ALG9: variants seen among roughly 807,000 people sequenced by gnomAD.
ALG9 encodes ALG9 alpha-1,2-mannosyltransferase.
A neutral mutation model predicts 81.8 loss-of-function variants in ALG9; 55 were observed. That is an observed-to-expected ratio of 0.67 (90% CI 0.54 to 0.84). The LOEUF is 0.84. Ranked by LOEUF, ALG9 falls within the 40% of genes least tolerant of loss-of-function variation. The pLI, the probability that ALG9 is intolerant of heterozygous loss-of-function variation, is 0.00. For missense variants in ALG9, 629 were observed against 745.0 expected, an observed-to-expected ratio of 0.84 and a Z score of 1.81; for synonymous variants, 278 against 274.3, an observed-to-expected ratio of 1.01 and a Z score of -0.13.
the ALG9 span, among the ~76,000 whole-genome samples, chr11:111,774,752 C>A: frequency 6.6e-6 from 1 of 152,152 alleles, no homozygotes; most frequent in Non-Finnish European, 1.5e-5. Flanking sequence ...AACAAGCAAA[C>A]CTTTTAGTTC....
intron 14 of ALG9, among the ~76,000 whole-genome samples, chr11:111,803,842 A>G (rs1555082547): frequency 6.6e-6 from 1 of 152,122 alleles, no homozygotes; most frequent in African/African-American, 2.4e-5. Context: ...TGTAAAAAGT[A>G]AAAGTATAGT....
At chr11:111,848,604 A>G (rs940029721) in intron 8 of ALG9, among the ~76,000 whole-genome samples, 11 of 152,066 alleles carry the variant, frequency 7.2e-5, no homozygotes, top group East Asian at 3.9e-4. Context: ...AAAAAAAAAA[A>G]AAAAGAAAAC....
chr11:111,870,113 T>A lies in ALG9; in HGVS notation c.270+119A>T, dbSNP rs1555156926. 13 of 1,213,724 alleles carry A rather than the reference T, an allele frequency of 1.1e-5. No homozygotes were observed. The East Asian group carries it at 1.7e-4, about 16-fold the overall frequency. 75.2% of individuals were successfully genotyped at this position (1,213,724 alleles called of 1,614,324 possible). A position where few individuals can be genotyped will look rare whatever the true frequency, so the allele number is the denominator to read the frequency against. On this transcript the variant is annotated intron_variant, in intron 2 of 14. Transcript: ENST00000616540. The stretch of plus-strand genomic sequence containing the variant: ...AGGCCTGTTTTTTTGTTTTTTTTTT[T>A]AAGAAAATACAGTTATTTTACTAGG...
At position 111,837,497 on chromosome 11, in the gene ALG9, T is replaced by C; in HGVS notation, c.1443A>G (p.Arg481=). The change falls in exon 12 of 15, where the codon CGA becomes CGG. Residue 481 remains arginine, a synonymous_variant. Coordinates refer to ENST00000616540, the MANE Select transcript of ALG9 (RefSeq NM_024740.2). ...CAGGAAGAAGGAAGCTGCTGGGAAA[T>C]CGATACCACTCTTTTCCCACACAGA... is the stretch of plus-strand genomic sequence containing the variant. ...VNVCVGKEWY[R]FPSSFLLPDN... is the part of the protein sequence containing the mutation. 6.2e-7 allele frequency: 1 copy of C among 1,614,136 alleles called. No homozygotes were observed. Among genetic ancestry groups the C allele is most frequent in the Non-Finnish European group, 8.5e-7 (1 of 1,180,026 alleles).
chr11:111,827,293 A>G (rs1168616096), intron 13 of ALG9, among the ~76,000 whole-genome samples: 13 of 152,128 alleles, frequency 8.5e-5, no homozygotes, highest in Non-Finnish European at 1.6e-4. Context: ...CATGACCAAC[A>G]TGGAGAAATC....
At chr11:111,826,329 T>C (rs1953276554) in intron 13 of ALG9, among the ~76,000 whole-genome samples, 2 of 151,026 alleles carry the variant, frequency 1.3e-5, no homozygotes, top group Non-Finnish European at 1.5e-5. Flanking sequence ...GAGGCTGCAG[T>C]GAGCTGTGAC....
At chr11:111,837,307 G>A (rs966115048) in intron 12 of ALG9, among the ~76,000 whole-genome samples, 161 bp downstream of exon 12, 1 of 152,144 alleles carries the variant, frequency 6.6e-6, no homozygotes, top group Admixed American at 6.5e-5. Flanking sequence ...AACACAGGAG[G>A]CAGGTACACA....
intron 13 of ALG9, among the ~76,000 whole-genome samples, chr11:111,829,965 G>A (rs1555112224): frequency 6.6e-6 from 1 of 152,206 alleles, no homozygotes. Flanking sequence ...TATTTGACAG[G>A]AAAATAGGTA....
intron 8 of ALG9, among the ~76,000 whole-genome samples, chr11:111,845,026 G>A (rs1555127877): frequency 6.6e-6 from 1 of 152,208 alleles, no homozygotes; most frequent in African/African-American, 2.4e-5. Flanking sequence ...TAATACTTTT[G>A]AGAAGCACCA....
In ALG9 at chr11:111,871,432, A is replaced by G; in HGVS notation, c.51T>C (p.Ser17=). The G allele has an allele frequency of 6.5e-7, 1 of 1,536,322 alleles. No homozygotes were observed. The change falls in exon 1 of 15, where the codon AGT becomes AGC. Residue 17 remains serine (S), a synonymous_variant. Coordinates refer to ENST00000616540, the MANE Select transcript of ALG9 (RefSeq NM_024740.2). ...RQRLKGSGAS[S]GDTAPAADKL... is the part of the protein sequence containing the mutation. The stretch of plus-strand genomic sequence containing the variant: ...TGTCCGCAGCCGGGGCCGTATCCCC[A>G]CTGCTGGCCCCGCTGCCCTTCAGGC...
At chr11:111,821,131 C>G (rs1170724725) in intron 13 of ALG9, among the ~76,000 whole-genome samples, 1 of 152,082 alleles carries the variant, frequency 6.6e-6, no homozygotes, top group Non-Finnish European at 1.5e-5. Flanking sequence ...AAAAGAAATC[C>G]TATTGCATAT....
At chr11:111,859,022 A>G (rs1366261274) in intron 5 of ALG9, among the ~76,000 whole-genome samples, 4 of 152,020 alleles carry the variant, frequency 2.6e-5, no homozygotes, top group Non-Finnish European at 1.5e-5. Flanking sequence ...CCTGGGCAAC[A>G]CAGTGAAACT....
intron 5 of ALG9, among the ~76,000 whole-genome samples, chr11:111,860,046 C>T (rs1555146543): frequency 1.3e-5 from 2 of 151,980 alleles, no homozygotes; most frequent in African/African-American, 4.8e-5. Context: ...AAAAGAAAGC[C>T]CAGCAGAAGA....
Position 111,829,742 on chromosome 11 carries a change from G to A in ALG9, c.1602+6423C>T, listed in dbSNP as rs115938733. Among the ~76,000 whole-genome samples the A allele has an allele frequency of 2.6e-3, 399 of 152,298 alleles. 1 individual carries two copies. Among genetic ancestry groups the A allele is most frequent in the African/African-American group, 9.0e-3 (374 of 41,560 alleles). ...TTGTCACAGCTTTTCCTCATCAGCT[G>A]TAACAGAAACTTTGTCAGGGTTGCA... On this transcript the variant is annotated intron_variant, in intron 13 of 14. Coordinates refer to ENST00000616540, the MANE Select transcript of ALG9 (RefSeq NM_024740.2).
intron 4 of ALG9, among the ~76,000 whole-genome samples, chr11:111,862,436 G>T (rs184000756): frequency 6.6e-6 from 1 of 151,884 alleles, no homozygotes; most frequent in Non-Finnish European, 1.5e-5. Context: ...GTTTCGCCAT[G>T]TTGGCCAGGC....
intron 2 of ALG9, among the ~76,000 whole-genome samples, chr11:111,868,991 G>A (rs1963411450): frequency 6.6e-6 from 1 of 152,004 alleles, no homozygotes; most frequent in Non-Finnish European, 1.5e-5. Context: ...GTATGGTGGT[G>A]CATGCCTGCA....
At chr11:111,870,609 A>G (rs1964025620) in intron 1 of ALG9, among the ~76,000 whole-genome samples, 1 of 152,124 alleles carries the variant, frequency 6.6e-6, no homozygotes, top group East Asian at 1.9e-4. Context: ...GGCTGGACTT[A>G]AACTCCTAGG....
downstream of ALG9, among the ~76,000 whole-genome samples, chr11:111,779,368 G>A (rs1299273405): frequency 1.3e-5 from 2 of 152,066 alleles, no homozygotes; most frequent in African/African-American, 4.8e-5. Flanking sequence ...GCTCTTGTAA[G>A]GCGAGTATGC....
intron 5 of ALG9, among the ~76,000 whole-genome samples, chr11:111,858,241 T>C (rs1959027631): frequency 6.6e-6 from 1 of 151,882 alleles, no homozygotes. Context: ...GGCCTCTCCT[T>C]CCTGTTTTTT....
Sources: gnomAD v4.1 joint callset for allele counts (sites outside exome capture counted in the v4.1 genomes callset) on GRCh38, gnomAD v4.1.1 for gene constraint, MANE v1.5 for transcripts, NCBI Gene and HGNC (gene_info 2026-07-23, HGNC 2026-07-21) for gene names.